The following GTF2I variants were observed in gnomAD, a reference collection of about 807,000 sequenced individuals.
GTF2I encodes general transcription factor IIi.
A neutral mutation model predicts 67.6 loss-of-function variants in GTF2I; 12 were observed. The ratio of observed to expected loss-of-function variants is 0.18; its 90% CI spans 0.11 to 0.29. GTF2I has a LOEUF of 0.29. Among genes scored for constraint, GTF2I ranks in the 10% least tolerant of loss-of-function variants. The pLI is 1.00. For synonymous variants in GTF2I, 149 were observed against 197.0 expected (o/e 0.76, Z 2.04); for missense variants, 271 against 580.1 (o/e 0.47, Z 5.47).
intron 10 of GTF2I, among the ~76,000 whole-genome samples, chr7:74,715,958 T>C (rs1554403537): frequency 6.6e-6 from 1 of 152,124 alleles, no homozygotes; most frequent in Non-Finnish European, 1.5e-5. Context: ...TTATAACATA[T>C]CTTACTTTTA....
chr7:74,668,881 T>C lies in GTF2I; in HGVS notation c.-6+10813T>C, dbSNP rs1562936285. Among the ~76,000 whole-genome samples, 7 of 151,920 alleles carry C rather than the reference T, an allele frequency of 4.6e-5. 1 individual carries two copies. The South Asian group carries it at 1.4e-3, about 31-fold the overall frequency. The stretch of plus-strand genomic sequence containing the variant: ...GCCACCGTGCCTGGCTAAGAAGGGA[T>C]CGTTTAAATTTTTAAAAATACATTA... On this transcript the variant is annotated intron_variant, in intron 1 of 34. Transcript: ENST00000573035.
chr7:74,722,837 T>C (rs1178018110), intron 12 of GTF2I: 3 of 152,188 alleles, frequency 2.0e-5, no homozygotes, highest in African/African-American at 7.2e-5. Context: ...TTTTTATTTT[T>C]ATAGCTGCCA....
At chr7:74,674,773 C>A (rs183562324) in intron 1 of GTF2I, among the ~76,000 whole-genome samples, 1 of 151,792 alleles carries the variant, frequency 6.6e-6, no homozygotes, top group South Asian at 2.1e-4. Context: ...TCTTGAACTC[C>A]CAACCTCAGG....
At chr7:74,674,643 A>C (rs1466205859) in intron 1 of GTF2I, among the ~76,000 whole-genome samples, 1 of 151,682 alleles carries the variant, frequency 6.6e-6, no homozygotes, top group African/African-American at 2.4e-5. Flanking sequence ...GTTTCAAGCA[A>C]TTCTCCTGCC....
intron 1 of GTF2I, among the ~76,000 whole-genome samples, chr7:74,678,267 T>C (rs1022173073): frequency 6.6e-6 from 1 of 150,722 alleles, no homozygotes; most frequent in Non-Finnish European, 1.5e-5. Context: ...AATTACAGAA[T>C]TGAATACCAT....
At chr7:74,666,189 ATGT>A (rs1804956984) in intron 1 of GTF2I, among the ~76,000 whole-genome samples, 1 of 152,126 alleles carries the variant, frequency 6.6e-6, no homozygotes, top group Admixed American at 6.6e-5. Flanking sequence ...TATGCTTTAT[ATGT>A]TGTTCATTTT....
chr7:74,711,319 C>T (rs1446490865), intron 9 of GTF2I, among the ~76,000 whole-genome samples: 1 of 151,882 alleles, frequency 6.6e-6, no homozygotes, highest in African/African-American at 2.4e-5. Context: ...GTAAAATAGC[C>T]ATTTGTGTTC....
chr7:74,687,617 A>G (rs1787853923), intron 1 of GTF2I: 2 of 867,624 alleles, frequency 2.3e-6, no homozygotes, highest in Non-Finnish European at 2.8e-6. Flanking sequence ...TTCACATGGT[A>G]ACAGATAAAG....
rs782754367 is a variant in GTF2I, at chr7:74,698,965, TGAAGAA to T, written c.250_255del (p.Glu84_Glu85del). ...TATTTTTTATTTTTTTTACAGGTGT[TGAAGAA>T]GAAGAAAAAGCTGCAGAGATGCATA... On this transcript the variant is annotated inframe_deletion, in exon 4 of 35. Coordinates refer to ENST00000573035, the MANE Select transcript of GTF2I (RefSeq NM_032999.4). 2.2e-6 allele frequency: 3 copies of T among 1,363,002 alleles called. No individual in the cohort carries two copies. The highest frequency in any genetic ancestry group is 1.8e-5 in the South Asian group (1 of 55,214). The allele number at this position is 1,363,002 out of a possible 1,614,324, so 84.4% of individuals were successfully genotyped here.
intron 1 of GTF2I, among the ~76,000 whole-genome samples, chr7:74,678,199 T>C (rs1786862414): frequency 6.7e-6 from 1 of 149,628 alleles, no homozygotes; most frequent in African/African-American, 2.5e-5. Flanking sequence ...GGATTACAGG[T>C]GTGAGCTACT....
intron 12 of GTF2I, chr7:74,722,618 A>AT (rs1215147396): frequency 6.6e-6 from 1 of 151,912 alleles, no homozygotes; most frequent in Admixed American, 6.6e-5. Flanking sequence ...CCTTAAATTG[A>AT]TTTTAAGTAA....
Position 74,705,161 on chromosome 7 carries a change from T to A in GTF2I, c.587-3T>A. On this transcript the variant is annotated splice_region_variant and splice_polypyrimidine_tract_variant and intron_variant, in intron 6 of 34. Coordinates refer to ENST00000573035, the MANE Select transcript of GTF2I (RefSeq NM_032999.4). Reference sequence around the variant, plus strand: ...AACTCCAATTTTTTTTTTTTGTATGTAGGTGGTCGTGTGATGGTAACAGAT... The same window carrying A: ...AACTCCAATTTTTTTTTTTTGTATGAAGGTGGTCGTGTGATGGTAACAGAT... The A allele has an allele frequency of 6.3e-7, 1 of 1,591,096 alleles. No homozygotes were observed.
intron 8 of GTF2I, among the ~76,000 whole-genome samples, chr7:74,708,680 G>A (rs1791106223): frequency 6.6e-6 from 1 of 152,168 alleles, no homozygotes; most frequent in Admixed American, 6.5e-5. Flanking sequence ...GTGTATCTTT[G>A]TGGCAGAGAC....
intron 1 of GTF2I, among the ~76,000 whole-genome samples, chr7:74,672,104 C>CAT (rs1331335160): frequency 2.6e-5 from 4 of 151,776 alleles, no homozygotes; most frequent in Admixed American, 6.6e-5. Flanking sequence ...TATATATATT[C>CAT]ATATATATAT....
At chr7:74,706,970 C>T (rs937373714) in intron 8 of GTF2I, among the ~76,000 whole-genome samples, 1 of 152,222 alleles carries the variant, frequency 6.6e-6, no homozygotes, top group South Asian at 2.1e-4. Context: ...CCACCTCAGC[C>T]TCCCGAGTAG....
At chr7:74,714,508 G>A (rs1264154272) in intron 9 of GTF2I, among the ~76,000 whole-genome samples, 1 of 152,028 alleles carries the variant, frequency 6.6e-6, no homozygotes, top group Non-Finnish European at 1.5e-5. Flanking sequence ...ACCTGCATTT[G>A]TAATCTGTAT....
chr7:74,722,879 T>C (rs1562975684), intron 12 of GTF2I: 1 of 152,120 alleles, frequency 6.6e-6, no homozygotes, highest in Non-Finnish European at 1.5e-5. Context: ...CAATTATATA[T>C]GTAAAAAAAG....
intron 3 of GTF2I, among the ~76,000 whole-genome samples, chr7:74,693,436 GCA>G (rs1788556021): frequency 6.6e-6 from 1 of 151,650 alleles, no homozygotes; most frequent in Non-Finnish European, 1.5e-5. Context: ...GTCCTCGAAC[GCA>G]CACATATAAT....
At chr7:74,737,188 A>C (rs1584322193) in intron 18 of GTF2I, among the ~76,000 whole-genome samples, 1 of 148,294 alleles carries the variant, frequency 6.7e-6, no homozygotes, top group East Asian at 2.0e-4. Context: ...GCGAGACTCC[A>C]TCTCAAAATA....
Sources: gnomAD v4.1 joint callset for allele counts (sites outside exome capture counted in the v4.1 genomes callset) on GRCh38, gnomAD v4.1.1 for gene constraint, MANE v1.5 for transcripts, NCBI Gene and HGNC (gene_info 2026-07-23, HGNC 2026-07-21) for gene names.